The following EXOC4 variants were observed in gnomAD, a reference collection of about 807,000 sequenced individuals.
The protein encoded by EXOC4 is SEC8-like 1.
EXOC4 carries 71 observed loss-of-function variants against 107.2 expected under a neutral mutation model. That is an observed-to-expected ratio of 0.66 (90% CI 0.55 to 0.81). The LOEUF (loss-of-function observed/expected upper bound fraction) is 0.81. Ranked by LOEUF, EXOC4 falls within the 30% of genes least tolerant of loss-of-function variation. The pLI, the probability that EXOC4 is intolerant of heterozygous loss-of-function variation, is 0.00. For missense variants in EXOC4, 1,108 were observed against 1,189.6 expected, an observed-to-expected ratio of 0.93 and a Z score of 1.01; for synonymous variants, 456 against 441.2, an observed-to-expected ratio of 1.03 and a Z score of -0.42.
chr7:134,095,172 T>A, the EXOC4 span, among the ~76,000 whole-genome samples: 1 of 151,888 alleles, frequency 6.6e-6, no homozygotes, highest in African/African-American at 2.4e-5. Flanking sequence ...ATATTCAAGC[T>A]GAGAGCCAAA....
chr7:133,643,531 C>G (rs529166434), intron 10 of EXOC4, among the ~76,000 whole-genome samples: 1 of 152,212 alleles, frequency 6.6e-6, no homozygotes, highest in East Asian at 1.9e-4. Flanking sequence ...CAAGTCCACC[C>G]CTTGTCAACT....
intron 9 of EXOC4, among the ~76,000 whole-genome samples, chr7:133,497,437 T>C (rs900337378): frequency 6.6e-6 from 1 of 151,792 alleles, no homozygotes; most frequent in Non-Finnish European, 1.5e-5. Context: ...TGTTTTTTTT[T>C]TTTTTTTGAG....
chr7:133,493,200 G>T (rs1799408722), intron 9 of EXOC4, among the ~76,000 whole-genome samples: 2 of 152,278 alleles, frequency 1.3e-5, no homozygotes, highest in African/African-American at 4.8e-5. Flanking sequence ...CGAGGTGGGT[G>T]GATCACCTGA....
At chr7:133,348,025 G>A (rs1795825355) in intron 5 of EXOC4, among the ~76,000 whole-genome samples, 2 of 152,150 alleles carry the variant, frequency 1.3e-5, no homozygotes, top group South Asian at 2.1e-4. Flanking sequence ...GGAATGATTT[G>A]GAGTTCAGTA....
At chr7:133,330,640 C>T (rs1019224427) in intron 5 of EXOC4, among the ~76,000 whole-genome samples, 13 of 130,156 alleles carry the variant, frequency 1.0e-4, no homozygotes, top group Admixed American at 3.5e-4. Context: ...CTGTTCCTCA[C>T]GGCACGGCAC....
At chr7:133,902,366 G>A (rs1181164270) in intron 12 of EXOC4, among the ~76,000 whole-genome samples, 1 of 152,058 alleles carries the variant, frequency 6.6e-6, no homozygotes, top group East Asian at 1.9e-4. Flanking sequence ...GTGGATCACT[G>A]CATCTTTAAA....
intron 5 of EXOC4, among the ~76,000 whole-genome samples, chr7:133,346,915 A>G (rs571829655): frequency 6.6e-6 from 1 of 152,170 alleles, no homozygotes; most frequent in Non-Finnish European, 1.5e-5. Flanking sequence ...AAATGAAATA[A>G]TGCAGTTTAT....
At chr7:133,359,275 A>C (rs1419995848) in intron 6 of EXOC4, among the ~76,000 whole-genome samples, 2 of 152,228 alleles carry the variant, frequency 1.3e-5, no homozygotes, top group Non-Finnish European at 2.9e-5. Context: ...AAGCAGAGTC[A>C]TTCAAAAATG....
chr7:133,299,453 G>T (rs1794595210), intron 3 of EXOC4, among the ~76,000 whole-genome samples: 1 of 152,150 alleles, frequency 6.6e-6, no homozygotes, highest in African/African-American at 2.4e-5. Flanking sequence ...GGAATTATTT[G>T]TGGCAGAATG....
chr7:133,685,980 T>C (rs181646975), intron 10 of EXOC4, among the ~76,000 whole-genome samples: 18 of 152,296 alleles, frequency 1.2e-4, no homozygotes, highest in East Asian at 1.2e-3. Context: ...GTATTTGGCT[T>C]TCTTGTTTCA....
At chr7:133,383,793 A>G (rs1235941318) in intron 7 of EXOC4, among the ~76,000 whole-genome samples, 2 of 152,168 alleles carry the variant, frequency 1.3e-5, no homozygotes, top group African/African-American at 2.4e-5. Context: ...TCTCGCAGAA[A>G]TAGTTTTTCG....
intron 7 of EXOC4, among the ~76,000 whole-genome samples, chr7:133,436,045 A>C (rs1307496068): frequency 3.1e-4 from 33 of 106,272 alleles, no homozygotes; most frequent in Non-Finnish European, 1.1e-4. Flanking sequence ...GAATTATCTC[A>C]GTGTTTTTTT....
chr7:133,881,827 T>C (rs76144449), intron 11 of EXOC4, among the ~76,000 whole-genome samples: 1,794 of 152,298 alleles, frequency 0.012, 35 homozygotes, highest in African/African-American at 0.04. Flanking sequence ...TTTAAAAATA[T>C]ATCACAAGTA....
chr7:133,633,575 C>T (rs1429480927), intron 10 of EXOC4, among the ~76,000 whole-genome samples: 2 of 151,946 alleles, frequency 1.3e-5, no homozygotes. Flanking sequence ...AAAAATTAAC[C>T]AGGCATGGTG....
intron 10 of EXOC4, among the ~76,000 whole-genome samples, chr7:133,772,144 G>T (rs930404003): frequency 7.3e-5 from 11 of 151,714 alleles, no homozygotes; most frequent in African/African-American, 1.2e-4. Flanking sequence ...AATATATGAG[G>T]CACGAGTTCA....
chr7:134,077,188 C>A, the EXOC4 span, among the ~76,000 whole-genome samples: 1 of 152,136 alleles, frequency 6.6e-6, no homozygotes, highest in African/African-American at 2.4e-5. Flanking sequence ...AGGTGGGGGA[C>A]TGGTCTAAGT....
intron 13 of EXOC4, among the ~76,000 whole-genome samples, chr7:133,935,695 C>T (rs1264371744): frequency 6.6e-6 from 1 of 152,102 alleles, no homozygotes; most frequent in Admixed American, 6.5e-5. Flanking sequence ...ACTGTTTGCA[C>T]TGTGTTATGC....
At chr7:133,724,664 A>G (rs1014854947) in intron 10 of EXOC4, among the ~76,000 whole-genome samples, 3 of 152,246 alleles carry the variant, frequency 2.0e-5, no homozygotes, top group South Asian at 4.1e-4. Context: ...GACAAGCACC[A>G]TGAAGGTAAA....
At chr7:133,378,626 A>T (rs1796545759) in intron 7 of EXOC4, among the ~76,000 whole-genome samples, 1 of 152,168 alleles carries the variant, frequency 6.6e-6, no homozygotes, top group Admixed American at 6.6e-5. Flanking sequence ...ATGAAGAGGT[A>T]TAATGTTTAG....
Sources: gnomAD v4.1 joint callset for allele counts (sites outside exome capture counted in the v4.1 genomes callset) on GRCh38, gnomAD v4.1.1 for gene constraint, MANE v1.5 for transcripts, NCBI Gene and HGNC (gene_info 2026-07-23, HGNC 2026-07-21) for gene names.